SLC25A21: variants seen among roughly 807,000 people sequenced by gnomAD.
The protein encoded by SLC25A21 is mitochondrial 2-oxodicarboxylate carrier.
Under a neutral mutation model 43.8 loss-of-function variants are expected in SLC25A21, and 47 were observed. The observed-to-expected ratio is 1.07, with a 90% confidence interval of 0.85 to 1.37. The LOEUF is 1.37. Among genes scored for constraint, SLC25A21 ranks in the 40% most tolerant of loss-of-function variants. SLC25A21 has a pLI of 0.00. For missense variants in SLC25A21, 352 were observed against 350.2 expected (o/e 1.00, Z -0.04); for synonymous variants, 131 against 121.3 (o/e 1.08, Z -0.52).
intron 1 of SLC25A21, among the ~76,000 whole-genome samples, chr14:37,068,250 C>G (rs1404579858): frequency 1.3e-5 from 2 of 152,110 alleles, no homozygotes; most frequent in African/African-American, 4.8e-5. Flanking sequence ...AAGAAAGATG[C>G]CTGATGAAAG....
At chr14:37,141,675 A>G (rs1963572977) in intron 1 of SLC25A21, among the ~76,000 whole-genome samples, 1 of 152,210 alleles carries the variant, frequency 6.6e-6, no homozygotes, top group African/African-American at 2.4e-5. Flanking sequence ...TTGCCCCATT[A>G]AAAATCAGTT....
chr14:37,128,538 C>CTCTGTGTG (rs1555348857), intron 1 of SLC25A21, among the ~76,000 whole-genome samples: 560 of 122,790 alleles, frequency 4.6e-3, no homozygotes, highest in East Asian at 0.012. Context: ...CTCTCTCTCT[C>CTCTGTGTG]TGTGTGTGTG....
intron 1 of SLC25A21, among the ~76,000 whole-genome samples, chr14:37,147,927 C>T (rs1265782384): frequency 6.7e-6 from 1 of 148,698 alleles, no homozygotes; most frequent in South Asian, 2.1e-4. Flanking sequence ...CTGCAACCTC[C>T]GCCTCCCGGG....
chr14:36,881,786 C>T (rs1284639530), intron 1 of SLC25A21, among the ~76,000 whole-genome samples: 2 of 152,102 alleles, frequency 1.3e-5, no homozygotes, highest in Admixed American at 6.6e-5. Context: ...TACCTAGGAA[C>T]AGTGTTGCAA....
chr14:37,054,119 C>G (rs1961768350), intron 1 of SLC25A21, among the ~76,000 whole-genome samples: 1 of 152,138 alleles, frequency 6.6e-6, no homozygotes, highest in Non-Finnish European at 1.5e-5. Flanking sequence ...TTACAATAAG[C>G]CTTGCAACTT....
chr14:37,137,433 AATT>A (rs1476690826), intron 1 of SLC25A21, among the ~76,000 whole-genome samples: 2 of 152,220 alleles, frequency 1.3e-5, no homozygotes, highest in African/African-American at 4.8e-5. Context: ...GCAAAAACAC[AATT>A]ATAATTTCTT....
chr14:37,014,109 A>G (rs974802516), intron 1 of SLC25A21, among the ~76,000 whole-genome samples: 24 of 152,248 alleles, frequency 1.6e-4, no homozygotes, highest in African/African-American at 4.6e-4. Flanking sequence ...CAAGGTCCCA[A>G]CTGATCAGAG....
At chr14:37,169,276 G>T in intron 1 of SLC25A21, among the ~76,000 whole-genome samples, 1 of 152,090 alleles carries the variant, frequency 6.6e-6, no homozygotes, top group East Asian at 1.9e-4. Flanking sequence ...TACTAGGCGA[G>T]TGTCTGTGGA....
chr14:36,741,037 T>C (rs901895712), intron 3 of SLC25A21, among the ~76,000 whole-genome samples: 40 of 152,174 alleles, frequency 2.6e-4, no homozygotes, highest in Non-Finnish European at 1.2e-4. Context: ...CTTAACATTC[T>C]GAAAATTTGA....
intron 7 of SLC25A21, among the ~76,000 whole-genome samples, chr14:36,686,469 T>TA: frequency 6.6e-6 from 1 of 152,326 alleles, no homozygotes; most frequent in East Asian, 1.9e-4. Context: ...TCTGGTTGTC[T>TA]GACCTCTGAT....
At position 36,721,118 on chromosome 14, in the gene SLC25A21, A is replaced by G. The variant is rs180827619; in HGVS notation, c.438+4452T>C. ...CACCTTGCATCTAGAAATAGTTATC[A>G]TTGGTTGAATGCCTACCATTTGCCA... On this transcript the variant is annotated intron_variant, in intron 6 of 9. Transcript: ENST00000331299. 2.2e-4 allele frequency among the ~76,000 whole-genome samples: 34 copies of G among 152,318 alleles called. 1 individual carries two copies. Among genetic ancestry groups the G allele is most frequent in the Admixed American group, 2.0e-3 (30 of 15,298 alleles).
chr14:36,679,787 T>TGACA lies in SLC25A21; in HGVS notation c.*867_*870dup. The TGACA allele has an allele frequency of 1.0e-6, 1 of 985,266 alleles. No individual in the cohort carries two copies. Among genetic ancestry groups the TGACA allele is most frequent in the Non-Finnish European group, 1.2e-6 (1 of 829,784 alleles). The allele number at this position is 985,266 out of a possible 1,614,324, so 61.0% of individuals were successfully genotyped here. A position where few individuals can be genotyped will look rare whatever the true frequency, so the allele number is the denominator to read the frequency against. On this transcript the variant is annotated 3_prime_UTR_variant, in exon 10 of 10. Transcript: ENST00000331299. ...GTATTTGGATGCAAATACTGATGGC[T>TGACA]GACAAATGGGTCCAAAGGTGTTTCC... is the stretch of plus-strand genomic sequence containing the variant.
chr14:36,866,837 CA>C (rs1288819730), intron 2 of SLC25A21, among the ~76,000 whole-genome samples: 5 of 152,170 alleles, frequency 3.3e-5, no homozygotes, highest in Admixed American at 6.5e-5. Flanking sequence ...GTATGAAAAA[CA>C]AAAGAATGGA....
intron 1 of SLC25A21, among the ~76,000 whole-genome samples, chr14:36,986,253 A>G (rs1960142887): frequency 6.6e-6 from 1 of 152,136 alleles, no homozygotes; most frequent in Admixed American, 6.6e-5. Context: ...ATTCACAGCA[A>G]TATTTTCAAT....
chr14:36,859,233 C>A (rs1026173769), intron 2 of SLC25A21, among the ~76,000 whole-genome samples: 1 of 152,168 alleles, frequency 6.6e-6, no homozygotes, highest in African/African-American at 2.4e-5. Flanking sequence ...ATTTCTACAT[C>A]TTTTAATTAA....
intron 2 of SLC25A21, among the ~76,000 whole-genome samples, chr14:36,874,587 G>A (rs1357532616): frequency 6.6e-6 from 1 of 152,144 alleles, no homozygotes; most frequent in African/African-American, 2.4e-5. Context: ...ATACCAAAAT[G>A]CTGACTATTA....
At chr14:36,732,657 G>A (rs200771173) in intron 4 of SLC25A21, among the ~76,000 whole-genome samples, 33 of 151,668 alleles carry the variant, frequency 2.2e-4, no homozygotes, top group Non-Finnish European at 4.1e-4. Flanking sequence ...CACACACCCC[G>A]CCCCCCTCAG....
At chr14:36,723,753 T>A (rs781561886) in intron 6 of SLC25A21, among the ~76,000 whole-genome samples, 3 of 152,156 alleles carry the variant, frequency 2.0e-5, no homozygotes, top group Admixed American at 6.5e-5. Flanking sequence ...AAAAAGAACA[T>A]TAGCATGAGC....
At chr14:36,952,173 G>C (rs1454089411) in intron 1 of SLC25A21, 1 of 152,732 alleles carries the variant, frequency 6.5e-6, no homozygotes, top group African/African-American at 2.4e-5. Flanking sequence ...TGGAGGTGCA[G>C]TGAGCCGAGA....
Sources: gnomAD v4.1 joint callset for allele counts (sites outside exome capture counted in the v4.1 genomes callset) on GRCh38, gnomAD v4.1.1 for gene constraint, MANE v1.5 for transcripts, NCBI Gene and HGNC (gene_info 2026-07-23, HGNC 2026-07-21) for gene names.